Variants in ARVCF observed in about 807,000 individuals in gnomAD.
ARVCF encodes ARVCF delta catenin family member.
Under a neutral mutation model 90.9 loss-of-function variants are expected in ARVCF, and 66 were observed. The observed-to-expected ratio is 0.73, with a 90% confidence interval of 0.60 to 0.89. ARVCF has a LOEUF of 0.89. ARVCF is among the 40% of genes least tolerant of loss of function. ARVCF has a pLI of 0.00. For missense variants in ARVCF, 1,469 were observed against 1,382.3 expected, an observed-to-expected ratio of 1.06 and a Z score of -1.00; for synonymous variants, 653 against 603.4, an observed-to-expected ratio of 1.08 and a Z score of -1.21.
intron 3 of ARVCF, among the ~76,000 whole-genome samples, chr22:19,984,239 G>A (rs147945911): frequency 3.5e-4 from 53 of 152,250 alleles, no homozygotes; most frequent in South Asian, 6.2e-4. Context: ...GGGGGTAAGC[G>A]GGAGAGGAAA....
rs780813823 is a variant in ARVCF at position 19,994,201 on chromosome 22, G to A, written c.-18-3389C>T. ...AGATTGATGGACAGGTCGGAGGATC[G>A]TGGGAGATGGACAGAGATGAATGGA... On this transcript the variant is annotated intron_variant, in intron 2 of 19. Transcript: ENST00000263207. Among the ~76,000 whole-genome samples the A allele has an allele frequency of 5.7e-4, 87 of 152,064 alleles. 2 individuals carry two copies. The highest frequency in any genetic ancestry group is 7.2e-4 in the Non-Finnish European group (49 of 67,980).
At chr22:19,967,252 A>T (rs764190673), downstream of ARVCF, 7 of 1,291,738 alleles carry the variant, frequency 5.4e-6, no homozygotes, top group South Asian at 8.7e-5. Context: ...GCGCAACCCG[A>T]GAAGTCCAGG....
chr22:20,006,661 C>T (rs1944639747), intron 2 of ARVCF, among the ~76,000 whole-genome samples: 1 of 150,110 alleles, frequency 6.7e-6, no homozygotes, highest in Non-Finnish European at 1.5e-5. Context: ...GAGACGGAGT[C>T]TTGCCCTGTC....
chr22:19,982,080 TG>T lies in ARVCF; in HGVS notation c.221del (p.Pro74GlnfsTer21). Reference protein sequence around the residue: ...WQQLVLQEQSPGSQASLATMP... With the variant: ...WQQLVLQEQSXGSQASLATMP... ...TCGTGGCCAGTGAGGCCTGGCTGCC[TG>T]GGCTCTGCTCCTGGGGCAAGGAGGG... On this transcript the variant is annotated frameshift_variant, in exon 4 of 20. Transcript: ENST00000263207. LOFTEE classifies it high-confidence loss of function. 6 of 1,611,436 alleles carry T rather than the reference TG, an allele frequency of 3.7e-6. No individual in the cohort carries two copies. The highest frequency in any genetic ancestry group is 5.1e-6 in the Non-Finnish European group (6 of 1,179,854).
intron 2 of ARVCF, among the ~76,000 whole-genome samples, chr22:19,997,920 G>A (rs1443000016): frequency 6.6e-6 from 1 of 152,262 alleles, no homozygotes; most frequent in Non-Finnish European, 1.5e-5. Flanking sequence ...CCCTGCCTTA[G>A]GGAGGGCAGG....
chr22:19,980,067 G>A lies in ARVCF; in HGVS notation c.1072C>T (p.Pro358Ser), dbSNP rs904916324. Residue 358 changes from proline (P) to serine (S), a missense_variant, in exon 6 of 20, where the codon CCT (proline) becomes TCT (serine). Transcript: ENST00000263207. ...ATGGCCAGCACCTCAGGCAGCTCAG[G>A]GTCCCGCCAGCGCGGCTCCTTGCGG... The part of the protein sequence containing the change: ...SARKEPRWRD[P>S]ELPEVLAMLR... 1 of 1,582,620 alleles carries A rather than the reference G, an allele frequency of 6.3e-7. No individual in the cohort carries two copies. Among genetic ancestry groups the A allele is most frequent in the Non-Finnish European group, 8.6e-7 (1 of 1,164,120 alleles).
At chr22:19,965,991 C>T (rs1336834903), downstream of ARVCF, among the ~76,000 whole-genome samples, 1 of 152,230 alleles carries the variant, frequency 6.6e-6, no homozygotes, top group East Asian at 1.9e-4. Context: ...TGCGTTACTG[C>T]GGCCGAGTTT....
At chr22:19,984,614 G>A (rs572626976) in intron 3 of ARVCF, among the ~76,000 whole-genome samples, 1 of 152,314 alleles carries the variant, frequency 6.6e-6, no homozygotes, top group African/African-American at 2.4e-5. Flanking sequence ...ACACATGCAT[G>A]TACATACACG....
In ARVCF at chr22:19,970,170, T is replaced by C; in HGVS notation, c.*586A>G. The C allele has an allele frequency of 4.0e-6, 4 of 987,870 alleles. No homozygotes were observed. Among genetic ancestry groups the C allele is most frequent in the Non-Finnish European group, 4.8e-6 (4 of 831,486 alleles). 61.2% of individuals were successfully genotyped at this position (987,870 alleles called of 1,614,324 possible). Reference sequence around the variant, plus strand: ...CAGGGGCCTCACGTGACTGCAGGGCTCTGGGGAGGTGGGGCACCTGTAGCC... The same window carrying C: ...CAGGGGCCTCACGTGACTGCAGGGCCCTGGGGAGGTGGGGCACCTGTAGCC... On this transcript the variant is annotated 3_prime_UTR_variant, in exon 20 of 20. Transcript: ENST00000263207.
In ARVCF at chr22:19,973,703, G is replaced by A. The variant is rs556096878; in HGVS notation, c.2179C>T (p.Arg727Cys). 2.0e-5 allele frequency: 32 copies of A among 1,610,062 alleles called. No individual in the cohort carries two copies. Among genetic ancestry groups the A allele is most frequent in the South Asian group, 1.3e-4 (12 of 91,076 alleles). ...LLQSETDKVVRAVAIALRNLS... is the reference protein window; with the variant it reads ...LLQSETDKVVCAVAIALRNLS... ...TTGCGCAGAGCGATGGCGACGGCGCGCACCACCTTGTCGGTCTCAGACTGC... is the reference window on the plus strand; with the variant it reads ...TTGCGCAGAGCGATGGCGACGGCGCACACCACCTTGTCGGTCTCAGACTGC... The change falls in exon 13 of 20, where the codon CGC (arginine) becomes TGC (cysteine). Residue 727 changes from arginine to cysteine, a missense_variant. Arg to Cys is a radical substitution (Grantham distance 180). Transcript: ENST00000263207.
rs769307417 is a variant in ARVCF at position 19,972,767 on chromosome 22, T to C, written c.2611A>G (p.Ser871Gly). 1 of 1,613,002 alleles carries C rather than the reference T, an allele frequency of 6.2e-7. No homozygotes were observed. The highest frequency in any genetic ancestry group is 1.3e-5 in the African/African-American group (1 of 74,890). Residue 871 changes from serine (S) to glycine (G), a missense_variant, in exon 16 of 20, where the codon AGC becomes GGC. By Grantham distance (56) the Ser-to-Gly change is moderately conservative. Transcript: ENST00000263207. ...GALSPGGFDD[S>G]TLPLVDKSLE... ...CTCTTGTCCACCAGTGGCAGCGTGC[T>C]GTCATCGAAGCCCCCAGGACTCAGT...
At chr22:19,972,115 G>A in intron 17 of ARVCF, 144 bp from the exon 18 acceptor site, 1 of 922,168 alleles carries the variant, frequency 1.1e-6, no homozygotes, top group South Asian at 1.7e-5. Context: ...TGGAGATCCA[G>A]GCTGGTGCCA....
chr22:19,984,689 G>A (rs1186730361), intron 3 of ARVCF, among the ~76,000 whole-genome samples: 1 of 152,174 alleles, frequency 6.6e-6, no homozygotes, highest in Non-Finnish European at 1.5e-5. Flanking sequence ...AGCACCCCAA[G>A]GGCACGGCGC....
chr22:19,966,162 G>C (rs771652736), downstream of ARVCF, among the ~76,000 whole-genome samples: 6 of 152,248 alleles, frequency 3.9e-5, no homozygotes, highest in Non-Finnish European at 7.3e-5. Flanking sequence ...GGGAAGTCAT[G>C]AATTGGGAAT....
intron 3 of ARVCF, chr22:19,987,049 C>A (rs954671621): frequency 1.5e-6 from 1 of 653,816 alleles, no homozygotes; most frequent in Non-Finnish European, 2.8e-6. Context: ...GGCCAGGGTC[C>A]CCCCAAGCCA....
intron 3 of ARVCF, 106 bp from the exon 4 acceptor site, chr22:19,982,197 C>A (rs1943542302): frequency 2.0e-6 from 3 of 1,469,874 alleles, no homozygotes; most frequent in Non-Finnish European, 2.7e-6. Context: ...GGCCAGCACA[C>A]CAGGGTGCCT....
chr22:19,997,170 G>A (rs1486280820), intron 2 of ARVCF, among the ~76,000 whole-genome samples: 2 of 152,226 alleles, frequency 1.3e-5, no homozygotes, highest in African/African-American at 2.4e-5. Flanking sequence ...TCCGGTCAAG[G>A]CAGGGTCACT....
At position 19,972,936 on chromosome 22, in the gene ARVCF, C is replaced by T; in HGVS notation, c.2539G>A (p.Ala847Thr). ...GTLQKDGWTK[A>T]RFQSAAATAK... ...CAGGGAAGCCGCACCTGGAAGCGCG[C>T]CTTGGTCCAACCATCTTTCTGCAAG... Residue 847 changes from alanine (A) to threonine (T), a missense_variant, in exon 15 of 20, where the codon GCG (alanine) becomes ACG (threonine). Coordinates refer to ENST00000263207, the MANE Select transcript of ARVCF (RefSeq NM_001670.3). The T allele has an allele frequency of 2.5e-6, 4 of 1,613,878 alleles. No homozygotes were observed. The highest frequency in any genetic ancestry group is 3.4e-6 in the Non-Finnish European group (4 of 1,180,026).
intron 2 of ARVCF, among the ~76,000 whole-genome samples, chr22:19,992,190 G>A (rs56138370): frequency 0.044 from 6,663 of 152,286 alleles, 210 homozygotes; most frequent in Middle Eastern, 0.078. Context: ...CAGCAAGAGC[G>A]AGAGACCAGT....
Sources: allele counts gnomAD v4.1 joint callset (sites outside exome capture counted in the v4.1 genomes callset), GRCh38; gene constraint gnomAD v4.1.1; transcripts MANE v1.5; gene names NCBI Gene and HGNC (gene_info 2026-07-23, HGNC 2026-07-21).